Variants in CPLANE1 observed in about 807,000 individuals in gnomAD.
CPLANE1 encodes the protein ciliogenesis and planar polarity effector complex subunit 1.
A neutral mutation model predicts 362.5 loss-of-function variants in CPLANE1; 263 were observed. That is an observed-to-expected ratio of 0.73 (90% CI 0.66 to 0.80). CPLANE1 has a LOEUF of 0.80. Among genes scored for constraint, CPLANE1 ranks in the 30% least tolerant of loss-of-function variants. CPLANE1 has a pLI of 0.00. For missense variants in CPLANE1, 3,461 were observed against 3,793.4 expected, an observed-to-expected ratio of 0.91 and a Z score of 2.30; for synonymous variants, 1,212 against 1,302.6, an observed-to-expected ratio of 0.93 and a Z score of 1.50.
At chr5:37,196,719 G>A (rs1403946740) in intron 20 of CPLANE1, among the ~76,000 whole-genome samples, 1 of 152,312 alleles carries the variant, frequency 6.6e-6, no homozygotes, top group South Asian at 2.1e-4. Context: ...TTGACGTCAA[G>A]TTTGAGCCCA....
At chr5:37,089,763 AT>A in the CPLANE1 span, among the ~76,000 whole-genome samples, 2 of 152,190 alleles carry the variant, frequency 1.3e-5, no homozygotes, top group Non-Finnish European at 1.5e-5. Context: ...AGAAAAATTC[AT>A]TTACAATATC....
intron 30 of CPLANE1, among the ~76,000 whole-genome samples, chr5:37,177,209 C>T (rs1781412847): frequency 6.6e-6 from 1 of 152,092 alleles, no homozygotes; most frequent in South Asian, 2.1e-4. Flanking sequence ...TACATCATAG[C>T]CCTAATGAAT....
chr5:37,090,347 A>G, the CPLANE1 span, among the ~76,000 whole-genome samples: 3 of 152,194 alleles, frequency 2.0e-5, no homozygotes, highest in African/African-American at 7.2e-5. Context: ...CGGGACTAAA[A>G]CACTATCTCC....
chr5:37,165,534 T>C lies in CPLANE1; in HGVS notation c.7533+5A>G, dbSNP rs199620862. 6.2e-7 allele frequency: 1 copy of C among 1,608,762 alleles called. No individual in the cohort carries two copies. The highest frequency in any genetic ancestry group is 1.1e-5 in the South Asian group (1 of 89,390). On this transcript the variant is annotated splice_donor_5th_base_variant and intron_variant, in intron 36 of 52. Coordinates refer to ENST00000651892, the MANE Select transcript of CPLANE1 (RefSeq NM_001384732.1). Reference sequence around the variant, plus strand: ...AGGGAAGAATCTATAGCAGTTTTTCTATACCTTGGGTTTCTTAATGATTTC... The same window carrying C: ...AGGGAAGAATCTATAGCAGTTTTTCCATACCTTGGGTTTCTTAATGATTTC...
chr5:37,170,175 T>C lies in CPLANE1; in HGVS notation c.6328A>G (p.Asn2110Asp), dbSNP rs139528477. The C allele has an allele frequency of 1.0e-4, 168 of 1,614,212 alleles. No individual in the cohort carries two copies. In the African/African-American group the frequency reaches 1.6e-3, roughly 16 times the overall value. Residue 2110 changes from asparagine (N) to aspartate (D), a missense_variant, in exon 33 of 53, where the codon AAC becomes GAC. Asn to Asp is a conservative substitution (Grantham distance 23). Transcript: ENST00000651892. Reference protein sequence around the residue: ...LRGCGDVEDSNKNLKERFFIK... With the variant: ...LRGCGDVEDSDKNLKERFFIK... ...AAAAATCTCTCCTTAAGATTTTTGT[T>C]GCTGTCTTCAACATCACCACATCCT...
intron 40 of CPLANE1, 112 bp downstream of exon 40, chr5:37,157,558 C>G (rs947606776): frequency 3.5e-6 from 4 of 1,143,902 alleles, no homozygotes; most frequent in Admixed American, 2.0e-5. Flanking sequence ...TGTAAACATC[C>G]AAAAATACAG....
At chr5:37,210,915 A>T in intron 16 of CPLANE1, 2 of 780,482 alleles carry the variant, frequency 2.6e-6, no homozygotes, top group Non-Finnish European at 4.8e-6. Flanking sequence ...AATTGAGCAT[A>T]CTACACAGTT....
At chr5:37,088,475 T>C in the CPLANE1 span, among the ~76,000 whole-genome samples, 1 of 152,198 alleles carries the variant, frequency 6.6e-6, no homozygotes, top group Non-Finnish European at 1.5e-5. Context: ...AATGCTCCCA[T>C]AGTAGAGACC....
chr5:37,221,070 C>G (rs1003733450), intron 15 of CPLANE1, among the ~76,000 whole-genome samples: 1 of 152,160 alleles, frequency 6.6e-6, no homozygotes, highest in African/African-American at 2.4e-5. Context: ...TATTGGGAAG[C>G]TGAGAGTCCA....
the CPLANE1 span, among the ~76,000 whole-genome samples, chr5:37,084,771 T>TA: frequency 6.6e-5 from 10 of 150,454 alleles, no homozygotes; most frequent in Non-Finnish European, 1.3e-4. Context: ...ACTCTGTCTT[T>TA]AAAAAAAGAT....
Position 37,148,373 on chromosome 5 carries a change from A to G in CPLANE1, c.8374-105T>C, listed in dbSNP as rs556920624. ...AAACACTTGCATTAATGCAAAAGTG[A>G]AAAAAATGGGATTAAATCCAATATA... On this transcript the variant is annotated intron_variant, in intron 42 of 52. Transcript: ENST00000651892. The G allele has an allele frequency of 3.6e-5, 26 of 721,878 alleles. No individual in the cohort carries two copies. In the South Asian group the frequency reaches 7.4e-4, roughly 21 times the overall value. The allele number at this position is 721,878 out of a possible 1,614,324, so 44.7% of individuals were successfully genotyped here.
At chr5:37,233,823 G>C (rs997366720) in intron 8 of CPLANE1, among the ~76,000 whole-genome samples, 1 of 152,036 alleles carries the variant, frequency 6.6e-6, no homozygotes, top group Admixed American at 6.6e-5. Context: ...GTGGTCTAGG[G>C]CCTAAAAACA....
chr5:37,245,130 C>G (rs1271365684), intron 4 of CPLANE1, among the ~76,000 whole-genome samples: 2 of 148,838 alleles, frequency 1.3e-5, no homozygotes, highest in Non-Finnish European at 3.0e-5. Flanking sequence ...GGCGACAGAG[C>G]GAGACTCCGT....
chr5:37,131,179 C>A (rs1479356316), intron 46 of CPLANE1, among the ~76,000 whole-genome samples: 1 of 152,130 alleles, frequency 6.6e-6, no homozygotes, highest in African/African-American at 2.4e-5. Context: ...AAGTTGAAAT[C>A]GCAGAATGCA....
chr5:37,140,321 T>A, intron 44 of CPLANE1: 1 of 976,780 alleles, frequency 1.0e-6, no homozygotes, highest in Non-Finnish European at 1.2e-6. Flanking sequence ...GGTTTTAATA[T>A]GAAATACCTG....
At chr5:37,122,342 T>C in intron 48 of CPLANE1, 88 bp downstream of exon 48, 1 of 993,574 alleles carries the variant, frequency 1.0e-6, no homozygotes, top group Non-Finnish European at 1.6e-6. Flanking sequence ...AAAGAGACTA[T>C]TGTGAAAACA....
chr5:37,083,822 A>G, the CPLANE1 span, among the ~76,000 whole-genome samples: 30 of 152,354 alleles, frequency 2.0e-4, no homozygotes, highest in Admixed American at 1.9e-3. Context: ...ATTCCTGAGG[A>G]AGAAAATAAA....
At chr5:37,094,974 A>G in the CPLANE1 span, among the ~76,000 whole-genome samples, 17 of 152,352 alleles carry the variant, frequency 1.1e-4, no homozygotes, top group African/African-American at 4.1e-4. Context: ...CCAGGACCAG[A>G]CGGATTCACA....
chr5:37,138,601 A>C, intron 46 of CPLANE1, 119 bp downstream of exon 46: 1 of 1,130,776 alleles, frequency 8.8e-7, no homozygotes, highest in Non-Finnish European at 1.3e-6. Context: ...CATGAAAAAA[A>C]AATCTATTCT....
Sources: allele counts gnomAD v4.1 joint callset (sites outside exome capture counted in the v4.1 genomes callset), GRCh38; gene constraint gnomAD v4.1.1; transcripts MANE v1.5; gene names NCBI Gene and HGNC (gene_info 2026-07-23, HGNC 2026-07-21).